RETN: variants seen among roughly 807,000 people sequenced by gnomAD.
RETN encodes C/EBP-epsilon regulated myeloid-specific secreted cysteine-rich protein precursor 1.
A neutral mutation model predicts 6.1 loss-of-function variants in RETN; 5 were observed. The observed-to-expected ratio is 0.82, with a 90% CI of 0.43 to 1.73. The LOEUF is 1.73. RETN is among the 40% of genes most tolerant of loss of function. The pLI is 0.02. For missense variants in RETN, 168 were observed against 142.5 expected (o/e 1.18, Z -0.91); for synonymous variants, 62 against 59.2 (o/e 1.05, Z -0.22).
rs377473014 is a variant in RETN at position 7,669,945 on chromosome 19, C to A, written c.196+47C>A. On this transcript the variant is annotated intron_variant, in intron 3 of 3. Transcript: ENST00000221515. ...CCAGGCGCCCATTTCTGTTCCAAGT[C>A]CCCTGGGAATGCCCCCTCCCCGCCA... 1,121 of 1,482,478 alleles carry A rather than the reference C, an allele frequency of 7.6e-4. 4 individuals carry two copies. Among genetic ancestry groups the A allele is most frequent in the Non-Finnish European group, 9.7e-4 (1,032 of 1,063,196 alleles). 91.8% of individuals were successfully genotyped at this position (1,482,478 alleles called of 1,614,324 possible).
chr19:7,669,148 C>T (rs890281315), intron 1 of RETN, 27 bp downstream of exon 1: 6 of 619,450 alleles, frequency 9.7e-6, no homozygotes, highest in Admixed American at 5.5e-5. Flanking sequence ...CCTGCGCTTG[C>T]CATGGCACCA....
At chr19:7,670,113 T>TTCCC in intron 3 of RETN, 106 bp from the exon 4 acceptor site, 2 of 465,518 alleles carry the variant, frequency 4.3e-6, no homozygotes, top group Middle Eastern at 5.9e-4. Flanking sequence ...GCCGTCCCCG[T>TTCCC]CCCCACCCCC....
Position 7,669,862 on chromosome 19 carries a change from G to A in RETN, c.160G>A (p.Val54Ile), listed in dbSNP as rs903024886. The stretch of plus-strand genomic sequence containing the variant: ...CAGCATTGGCCTGGAGTGCCAGAGC[G>A]TCACCTCCAGGGGGGACCTGGCTAC... ...ISSIGLECQS[V>I]TSRGDLATCP... The change falls in exon 3 of 4, where the codon GTC (valine) becomes ATC (isoleucine). Residue 54 changes from valine to isoleucine, a missense_variant. Coordinates refer to ENST00000221515, the MANE Select transcript of RETN (RefSeq NM_020415.4). The A allele has an allele frequency of 3.1e-6, 5 of 1,614,094 alleles. No individual in the cohort carries two copies. Among genetic ancestry groups the A allele is most frequent in the Non-Finnish European group, 4.2e-6 (5 of 1,179,998 alleles).
Position 7,670,411 on chromosome 19 carries a change from G to T in RETN, c.*62G>T. On this transcript the variant is annotated 3_prime_UTR_variant, in exon 4 of 4. Transcript: ENST00000221515. ...GGCTCCAGGTCCGGAGGGGTTGCGG[G>T]GGAGCTGGAAATAAACCTGGAGATG... 1 of 1,506,850 alleles carries T rather than the reference G, an allele frequency of 6.6e-7. No homozygotes were observed. Among genetic ancestry groups the T allele is most frequent in the Non-Finnish European group, 8.9e-7 (1 of 1,128,388 alleles). The allele number at this position is 1,506,850 out of a possible 1,614,324, so 93.3% of individuals were successfully genotyped here.
chr19:7,669,483 C>T (rs3219177), intron 2 of RETN, 39 bp downstream of exon 2: 302,049 of 1,428,094 alleles, frequency 0.21, 33,951 homozygotes, highest in South Asian at 0.34. Flanking sequence ...CCAAGGGTCT[C>T]AGAGACCTCA....
In RETN at chr19:7,669,875, G is replaced by A. The variant is rs763916942; in HGVS notation, c.173G>A (p.Gly58Glu). ...GAGTGCCAGAGCGTCACCTCCAGGG[G>A]GGACCTGGCTACTTGCCCCCGAGGT... Reference protein sequence around the residue: ...GLECQSVTSRGDLATCPRGFA... With the variant: ...GLECQSVTSREDLATCPRGFA... Residue 58 changes from glycine (G) to glutamate (E), a missense_variant, in exon 3 of 4, where the codon GGG (glycine) becomes GAG (glutamate). By Grantham distance (98) the Gly-to-Glu change is moderately conservative (BLOSUM62 -2). Transcript: ENST00000221515. 11 of 1,613,982 alleles carry A rather than the reference G, an allele frequency of 6.8e-6. No homozygotes were observed. Among genetic ancestry groups the A allele is most frequent in the African/African-American group, 2.7e-5 (2 of 74,912 alleles).
At chr19:7,669,266 C>A in intron 1 of RETN, 51 bp from the exon 2 acceptor site, 1 of 1,329,200 alleles carries the variant, frequency 7.5e-7, no homozygotes, top group Non-Finnish European at 1.1e-6. Context: ...CCGGATCTTC[C>A]CCACAGGGCA....
At position 7,670,394 on chromosome 19, in the gene RETN, G is replaced by A; in HGVS notation, c.*45G>A. 3 of 1,524,652 alleles carry A rather than the reference G, an allele frequency of 2.0e-6. No homozygotes were observed. The highest frequency in any genetic ancestry group is 2.6e-6 in the Non-Finnish European group (3 of 1,138,842). The allele number at this position is 1,524,652 out of a possible 1,614,324, so 94.4% of individuals were successfully genotyped here. On this transcript the variant is annotated 3_prime_UTR_variant, in exon 4 of 4. Transcript: ENST00000221515. ...ACAGCGCGGGCGGAGGCGGCTCCAG[G>A]TCCGGAGGGGTTGCGGGGGAGCTGG...
chr19:7,670,135 C>T, intron 3 of RETN, 84 bp from the exon 4 acceptor site: 2 of 543,368 alleles, frequency 3.7e-6, no homozygotes, highest in South Asian at 3.7e-5. Context: ...CCCCCCCAAC[C>T]CCCCTCCGCG....
In RETN at chr19:7,669,817, C is replaced by A. The variant is rs2032462982; in HGVS notation, c.119-4C>A. ...CCCCTGTCTCCTTTCCTCCTGCCCC[C>A]CAGTATTTAGGGCAATAAGCAGCAT... On this transcript the variant is annotated splice_polypyrimidine_tract_variant and splice_region_variant and intron_variant, in intron 2 of 3. Coordinates refer to ENST00000221515, the MANE Select transcript of RETN (RefSeq NM_020415.4). The A allele has an allele frequency of 1.2e-6, 2 of 1,613,830 alleles. No individual in the cohort carries two copies. Among genetic ancestry groups the A allele is most frequent in the Non-Finnish European group, 1.7e-6 (2 of 1,179,738 alleles).
rs1363424247 is a variant in RETN, at chr19:7,669,070, T to A, written c.-62T>A. Reference sequence around the variant, plus strand: ...CCCCAAGAGGCCTCAAAGAAAGAGCTGCGGTGCAGGAATTCGTGTGCCGGA... The same window carrying A: ...CCCCAAGAGGCCTCAAAGAAAGAGCAGCGGTGCAGGAATTCGTGTGCCGGA... On this transcript the variant is annotated 5_prime_UTR_variant, in exon 1 of 4. Transcript: ENST00000221515. 1.1e-5 allele frequency: 5 copies of A among 468,008 alleles called. No individual in the cohort carries two copies. The highest frequency in any genetic ancestry group is 7.0e-5 in the Admixed American group (2 of 28,388). The allele number at this position is 468,008 out of a possible 1,614,324, so 29.0% of individuals were successfully genotyped here. A position where few individuals can be genotyped will look rare whatever the true frequency, so the allele number is the denominator to read the frequency against.
chr19:7,669,469 C>A, intron 2 of RETN, 25 bp downstream of exon 2: 2 of 1,539,586 alleles, frequency 1.3e-6, no homozygotes, highest in African/African-American at 1.4e-5. Flanking sequence ...CTTGGGCAAG[C>A]TCCCCAAGGG....
chr19:7,670,255 G>A lies in RETN; in HGVS notation c.233G>A (p.Cys78Tyr). 6.2e-7 allele frequency: 1 copy of A among 1,600,470 alleles called. No individual in the cohort carries two copies. Among genetic ancestry groups the A allele is most frequent in the Non-Finnish European group, 8.5e-7 (1 of 1,177,844 alleles). The part of the protein sequence containing the change: ...AVTGCTCGSA[C>Y]GSWDVRAETT... ...ACCGGCTGCACTTGTGGCTCCGCCT[G>A]TGGCTCGTGGGATGTGCGCGCCGAG... Residue 78 changes from cysteine (C) to tyrosine (Y), a missense_variant, in exon 4 of 4, where the codon TGT (cysteine) becomes TAT (tyrosine). Cys to Tyr is a radical substitution (Grantham distance 194, BLOSUM62 -2). Transcript: ENST00000221515.
chr19:7,670,123 C>CCT, intron 3 of RETN, 96 bp from the exon 4 acceptor site: 1 of 528,932 alleles, frequency 1.9e-6, no homozygotes, highest in Non-Finnish European at 3.4e-6. Context: ...TCCCCACCCC[C>CCT]GCCCCCCCAA....
intron 3 of RETN, 107 bp from the exon 4 acceptor site, chr19:7,670,112 G>GGGGC (rs2032472023): frequency 5.2e-6 from 3 of 579,168 alleles, no homozygotes; most frequent in Non-Finnish European, 9.3e-6. Context: ...AGCCGTCCCC[G>GGGGC]TCCCCACCCC....
In RETN at chr19:7,669,879, C is replaced by T; in HGVS notation, c.177C>T (p.Asp59=). Residue 59 remains aspartate (D), a synonymous_variant, in exon 3 of 4, where the codon GAC becomes GAT. Coordinates refer to ENST00000221515, the MANE Select transcript of RETN (RefSeq NM_020415.4). ...GCCAGAGCGTCACCTCCAGGGGGGA[C>T]CTGGCTACTTGCCCCCGAGGTGAGT... ...LECQSVTSRG[D]LATCPRGFAV... 2 of 1,614,070 alleles carry T rather than the reference C, an allele frequency of 1.2e-6. No homozygotes were observed. The highest frequency in any genetic ancestry group is 1.7e-6 in the Non-Finnish European group (2 of 1,179,974).
In RETN at chr19:7,669,073, G is replaced by A. The variant is rs578201437; in HGVS notation, c.-59G>A. The A allele has an allele frequency of 3.6e-5, 17 of 473,538 alleles. No individual in the cohort carries two copies. The highest frequency in any genetic ancestry group is 2.0e-4 in the African/African-American group (10 of 51,120). The allele number at this position is 473,538 out of a possible 1,614,324, so 29.3% of individuals were successfully genotyped here. On this transcript the variant is annotated 5_prime_UTR_variant, in exon 1 of 4. Coordinates refer to ENST00000221515, the MANE Select transcript of RETN (RefSeq NM_020415.4). Reference sequence around the variant, plus strand: ...CAAGAGGCCTCAAAGAAAGAGCTGCGGTGCAGGAATTCGTGTGCCGGATTT... The same window carrying A: ...CAAGAGGCCTCAAAGAAAGAGCTGCAGTGCAGGAATTCGTGTGCCGGATTT...
chr19:7,670,286 A>C lies in RETN; in HGVS notation c.264A>C (p.Thr88=). The C allele has an allele frequency of 6.3e-7, 1 of 1,594,560 alleles. No individual in the cohort carries two copies. The highest frequency in any genetic ancestry group is 1.1e-5 in the South Asian group (1 of 89,262). ...CGTGGGATGTGCGCGCCGAGACCAC[A>C]TGTCACTGCCAGTGCGCGGGCATGG... ...CGSWDVRAET[T]CHCQCAGMDW... is the part of the protein sequence containing the mutation. Residue 88 remains threonine, a synonymous_variant, in exon 4 of 4, where the codon ACA becomes ACC. Transcript: ENST00000221515.
intron 3 of RETN, 55 bp from the exon 4 acceptor site, chr19:7,670,164 C>G: frequency 7.6e-7 from 1 of 1,324,260 alleles, no homozygotes; most frequent in Non-Finnish European, 1.0e-6. Context: ...CCCCCTCCCG[C>G]TCCCACCCTC....
Sources: gnomAD v4.1 joint callset for allele counts on GRCh38, gnomAD v4.1.1 for gene constraint, MANE v1.5 for transcripts, NCBI Gene and HGNC (gene_info 2026-07-23, HGNC 2026-07-21) for gene names.